Variants in POLR3B observed in about 807,000 individuals in gnomAD.
POLR3B encodes the protein RNA polymerase III subunit B.
POLR3B carries 96 observed loss-of-function variants against 147.4 expected under a neutral mutation model. That is an observed-to-expected ratio of 0.65 (90% confidence interval 0.55 to 0.77). The LOEUF is 0.77. POLR3B is among the 30% of genes least tolerant of loss of function. The probability of loss-of-function intolerance (pLI) is 0.00; values close to 1 mark genes in which losing one functional copy is unlikely to be tolerated. For missense variants in POLR3B, 1,036 were observed against 1,413.5 expected (o/e 0.73, Z 4.28); for synonymous variants, 461 against 485.9 (o/e 0.95, Z 0.67).
intron 11 of POLR3B, 107 bp from the exon 12 acceptor site, chr12:106,410,719 A>T: frequency 1.1e-6 from 1 of 934,240 alleles, no homozygotes; most frequent in East Asian, 2.6e-5. Flanking sequence ...AATCATAACA[A>T]TTCAGTATTT....
chr12:106,457,877 C>T (rs567743128), intron 21 of POLR3B, among the ~76,000 whole-genome samples: 200 of 152,170 alleles, frequency 1.3e-3, no homozygotes, highest in African/African-American at 4.5e-3. Context: ...AGGAAGTGAG[C>T]TGGAATCTGA....
In POLR3B at chr12:106,433,821, A is replaced by C; in HGVS notation, c.1730A>C (p.Asn577Thr). The change falls in exon 16 of 28, where the codon AAT (asparagine) becomes ACT (threonine). Residue 577 changes from asparagine (N) to threonine (T), a missense_variant. By Grantham distance (65) the Asn-to-Thr change is moderately conservative. Coordinates refer to ENST00000228347, the MANE Select transcript of POLR3B (RefSeq NM_018082.6). ...AATGAATTTGTTTCCATCTCAACAAATCTTACAGATCGATGTGTCTATATT... is the reference window on the plus strand; with the variant it reads ...AATGAATTTGTTTCCATCTCAACAACTCTTACAGATCGATGTGTCTATATT... Reference protein sequence around the residue: ...YINEFVSISTNLTDRCVYISS... With the variant: ...YINEFVSISTTLTDRCVYISS... The C allele has an allele frequency of 1.2e-6, 2 of 1,613,740 alleles. No individual in the cohort carries two copies. The highest frequency in any genetic ancestry group is 1.7e-6 in the Non-Finnish European group (2 of 1,179,694).
chr12:106,416,520 G>C (rs968660293), intron 12 of POLR3B, among the ~76,000 whole-genome samples: 1 of 152,112 alleles, frequency 6.6e-6, no homozygotes, highest in African/African-American at 2.4e-5. Context: ...AGCATTCTCT[G>C]TGTGATTAAG....
chr12:106,385,113 C>A (rs917054711), intron 9 of POLR3B, among the ~76,000 whole-genome samples: 6 of 152,078 alleles, frequency 3.9e-5, no homozygotes. Context: ...TAAGCCACAG[C>A]GCCTGGCCTT....
chr12:106,418,713 A>G (rs2037337366), intron 12 of POLR3B, among the ~76,000 whole-genome samples: 1 of 152,190 alleles, frequency 6.6e-6, no homozygotes, highest in Non-Finnish European at 1.5e-5. Context: ...AAGGTATTGA[A>G]TATTATCACC....
At chr12:106,403,718 C>A (rs1299113935) in intron 10 of POLR3B, among the ~76,000 whole-genome samples, 1 of 149,452 alleles carries the variant, frequency 6.7e-6, no homozygotes, top group African/African-American at 2.5e-5. Flanking sequence ...GGACAAAAAA[C>A]CAAACACCAC....
chr12:106,493,936 T>C (rs1333355707), intron 23 of POLR3B, among the ~76,000 whole-genome samples: 5 of 151,960 alleles, frequency 3.3e-5, no homozygotes, highest in Non-Finnish European at 7.3e-5. Context: ...ATTTAATTTT[T>C]GACTTACAGG....
chr12:106,430,540 T>A (rs932485960), intron 14 of POLR3B, 67 bp downstream of exon 14: 2 of 1,263,830 alleles, frequency 1.6e-6, no homozygotes, highest in Admixed American at 1.7e-5. Context: ...TGGGGTGGGG[T>A]GGGGAGGTCT....
At chr12:106,457,426 C>A in intron 21 of POLR3B, 130 bp downstream of exon 21, 1 of 704,878 alleles carries the variant, frequency 1.4e-6, no homozygotes, top group Non-Finnish European at 2.5e-6. Context: ...CAAACTCAAC[C>A]AATGAGGTCA....
chr12:106,501,471 T>A, intron 26 of POLR3B, 35 bp downstream of exon 26: 1 of 1,200,410 alleles, frequency 8.3e-7, no homozygotes, highest in Admixed American at 1.7e-5. Flanking sequence ...GAATTGATAA[T>A]GCAGTCAAGT....
intron 16 of POLR3B, among the ~76,000 whole-genome samples, chr12:106,434,527 G>A (rs898941804): frequency 6.6e-6 from 1 of 151,496 alleles, no homozygotes; most frequent in East Asian, 1.9e-4. Flanking sequence ...CATTCAGTAA[G>A]TATTTATTAA....
At chr12:106,363,363 C>T (rs143292383) in intron 1 of POLR3B, among the ~76,000 whole-genome samples, 47 of 152,312 alleles carry the variant, frequency 3.1e-4, no homozygotes, top group African/African-American at 1.1e-3. Flanking sequence ...CTACAATGTT[C>T]CTCGCCTCCA....
chr12:106,393,106 C>T lies in POLR3B; in HGVS notation c.799C>T (p.Pro267Ser). The change falls in exon 10 of 28, where the codon CCC becomes TCC. Residue 267 changes from proline to serine, a missense_variant. This residue lies in a region of POLR3B where 217 missense variants were observed against 288.7 expected (regional missense o/e 0.75). Coordinates refer to ENST00000228347, the MANE Select transcript of POLR3B (RefSeq NM_018082.6). ...GGAGCACGTGATGGCTGCATTTGGG[C>T]CCAGTCTGGAAGAGTGCCAGAAAGC... ...TEEHVMAAFGPSLEECQKAQI... is the reference protein window; with the variant it reads ...TEEHVMAAFGSSLEECQKAQI... 1 of 1,614,144 alleles carries T rather than the reference C, an allele frequency of 6.2e-7. No individual in the cohort carries two copies. The highest frequency in any genetic ancestry group is 8.5e-7 in the Non-Finnish European group (1 of 1,180,024).
chr12:106,367,383 A>G (rs1175147622), intron 4 of POLR3B, among the ~76,000 whole-genome samples: 4 of 152,232 alleles, frequency 2.6e-5, no homozygotes, highest in African/African-American at 9.6e-5. Flanking sequence ...GTTAGCACAG[A>G]TACGATGTTG....
chr12:106,370,631 G>GTTT (rs1208633414), intron 6 of POLR3B, among the ~76,000 whole-genome samples: 7 of 126,572 alleles, frequency 5.5e-5, no homozygotes, highest in South Asian at 2.6e-4. Context: ...TTGTTTTATT[G>GTTT]TTTTTTTTTT....
At chr12:106,388,346 T>C (rs1467606612) in intron 9 of POLR3B, among the ~76,000 whole-genome samples, 4 of 150,790 alleles carry the variant, frequency 2.7e-5, no homozygotes, top group Admixed American at 6.6e-5. Context: ...TGAGATGGAG[T>C]CTTGCTCTGT....
chr12:106,365,867 A>C (rs2036528980), intron 2 of POLR3B, among the ~76,000 whole-genome samples: 1 of 146,416 alleles, frequency 6.8e-6, no homozygotes, highest in Non-Finnish European at 1.5e-5. Context: ...TCAAAAAAAA[A>C]AAAAAATTTT....
At chr12:106,375,253 G>T (rs1164304298) in intron 6 of POLR3B, among the ~76,000 whole-genome samples, 1 of 152,096 alleles carries the variant, frequency 6.6e-6, no homozygotes, top group African/African-American at 2.4e-5. Flanking sequence ...TTCTGGCTGG[G>T]TTTTAAACCT....
Position 106,509,672 on chromosome 12 carries a change from AC to A in POLR3B, c.*125del. 1 of 902,462 alleles carries A rather than the reference AC, an allele frequency of 1.1e-6. No individual in the cohort carries two copies. Among genetic ancestry groups the A allele is most frequent in the Non-Finnish European group, 1.7e-6 (1 of 580,820 alleles). 55.9% of individuals were successfully genotyped at this position (902,462 alleles called of 1,614,324 possible). On this transcript the variant is annotated 3_prime_UTR_variant, in exon 28 of 28. Transcript: ENST00000228347. ...CCTTGCGTATTCTCTCTCTAAAACA[AC>A]CAAAAAAAAATGGAGAGGCTTTTTA...
Sources: allele counts gnomAD v4.1 joint callset (sites outside exome capture counted in the v4.1 genomes callset), GRCh38; gene constraint gnomAD v4.1.1; regional missense constraint gnomAD v4.1.1; transcripts MANE v1.5; gene names NCBI Gene and HGNC (gene_info 2026-07-23, HGNC 2026-07-21).